Variants in TBC1D32 observed in about 807,000 individuals in gnomAD.
The protein encoded by TBC1D32 is TBC1 domain family member 32, also known as protein broad-minded.
In TBC1D32, 151 loss-of-function variants were observed where a neutral mutation model predicts 170.3. The observed-to-expected ratio is 0.89, with a 90% CI of 0.78 to 1.01. TBC1D32 has a LOEUF of 1.01. Among genes scored for constraint, TBC1D32 ranks in the 50% least tolerant of loss-of-function variants. The pLI, the probability that TBC1D32 is intolerant of heterozygous loss-of-function variation, is 0.00. For missense variants in TBC1D32, 1,464 were observed against 1,457.1 expected (o/e 1.00, Z -0.08); for synonymous variants, 498 against 488.0 (o/e 1.02, Z -0.27).
At chr6:121,127,879 A>G (rs992920369) in intron 25 of TBC1D32, among the ~76,000 whole-genome samples, 1 of 152,208 alleles carries the variant, frequency 6.6e-6, no homozygotes, top group Non-Finnish European at 1.5e-5. Flanking sequence ...CACGCTATGT[A>G]TTTAAGTAAA....
chr6:121,123,064 A>T (rs1277281126), intron 26 of TBC1D32, among the ~76,000 whole-genome samples: 1 of 152,088 alleles, frequency 6.6e-6, no homozygotes, highest in Non-Finnish European at 1.5e-5. Context: ...CCAGACTCCA[A>T]GTAGAGATAT....
intron 20 of TBC1D32, among the ~76,000 whole-genome samples, chr6:121,226,629 T>G (rs1267931425): frequency 6.6e-6 from 1 of 152,148 alleles, no homozygotes; most frequent in Non-Finnish European, 1.5e-5. Flanking sequence ...ATTAAAAACA[T>G]GTCCAATAGA....
intron 30 of TBC1D32, chr6:121,096,166 T>G (rs1777382444): frequency 6.6e-6 from 1 of 152,092 alleles, no homozygotes; most frequent in South Asian, 2.1e-4. Flanking sequence ...CTTGGGAGGG[T>G]GTATGTGTCC....
At chr6:121,288,626 A>G (rs1446978196) in intron 12 of TBC1D32, among the ~76,000 whole-genome samples, 1 of 152,202 alleles carries the variant, frequency 6.6e-6, no homozygotes, top group Non-Finnish European at 1.5e-5. Context: ...CAATAGAAAA[A>G]GAGGGAATCC....
chr6:121,093,988 AC>A lies in TBC1D32; in HGVS notation c.3466-2948del, dbSNP rs1777115341. Reference sequence around the variant, plus strand: ...AATTTATCCCAGTTTCACAAAGTTTACAATTAAAGGGGAGACATCCTTTTTA... The same window carrying A: ...AATTTATCCCAGTTTCACAAAGTTTAAATTAAAGGGGAGACATCCTTTTTA... On this transcript the variant is annotated intron_variant, in intron 30 of 31. Transcript: ENST00000398212. Among the ~76,000 whole-genome samples, 4 of 152,232 alleles carry A rather than the reference AC, an allele frequency of 2.6e-5. No individual in the cohort carries two copies. The South Asian group carries it at 8.3e-4, about 32-fold the overall frequency.
intron 24 of TBC1D32, among the ~76,000 whole-genome samples, chr6:121,137,932 A>C (rs1782319506): frequency 6.6e-6 from 1 of 152,120 alleles, no homozygotes; most frequent in African/African-American, 2.4e-5. Context: ...GAGAAAAAGT[A>C]AAATAAAGAC....
chr6:121,096,424 C>T (rs1478755642), intron 30 of TBC1D32, among the ~76,000 whole-genome samples: 3 of 152,028 alleles, frequency 2.0e-5, no homozygotes, highest in Non-Finnish European at 4.4e-5. Flanking sequence ...AGAGCCAAAT[C>T]ATGAGTGAAC....
chr6:121,284,206 G>T (rs768947817), intron 12 of TBC1D32, among the ~76,000 whole-genome samples: 3 of 152,010 alleles, frequency 2.0e-5, no homozygotes, highest in Non-Finnish European at 2.9e-5. Flanking sequence ...TCTGATTAAG[G>T]CTATTTGAGT....
chr6:121,230,079 A>C (rs1390803709), intron 20 of TBC1D32, among the ~76,000 whole-genome samples: 2 of 152,046 alleles, frequency 1.3e-5, no homozygotes, highest in Non-Finnish European at 2.9e-5. Flanking sequence ...TTTCTTTATA[A>C]ATTACCCAGT....
At chr6:121,149,106 GT>G (rs1333329082) in intron 24 of TBC1D32, among the ~76,000 whole-genome samples, 2 of 151,800 alleles carry the variant, frequency 1.3e-5, no homozygotes, top group East Asian at 1.9e-4. Flanking sequence ...GATGGGGTTG[GT>G]TTTTTTCTTG....
chr6:121,323,869 G>A lies in TBC1D32; in HGVS notation c.156-2075C>T, dbSNP rs113881132. ...GCAGGAGAATCACTTGAACCCGGGA[G>A]GCGGAGGTTGCAGTGAGCCAAGATT... is the stretch of plus-strand genomic sequence containing the variant. On this transcript the variant is annotated intron_variant, in intron 1 of 31. Transcript: ENST00000398212. Among the ~76,000 whole-genome samples, 3 of 152,290 alleles carry A rather than the reference G, an allele frequency of 2.0e-5. 1 individual carries two copies. The highest frequency in any genetic ancestry group is 7.2e-5 in the African/African-American group (3 of 41,564).
chr6:121,323,005 A>G (rs1209250190), intron 1 of TBC1D32, among the ~76,000 whole-genome samples: 6 of 136,138 alleles, frequency 4.4e-5, no homozygotes, highest in East Asian at 5.0e-4. Flanking sequence ...TGAAAAGAAG[A>G]AAAAAAAAGT....
intron 12 of TBC1D32, among the ~76,000 whole-genome samples, chr6:121,288,002 A>T (rs1472327756): frequency 6.6e-6 from 1 of 152,226 alleles, no homozygotes; most frequent in African/African-American, 2.4e-5. Context: ...CATTCAAAAC[A>T]GTGTGTAGAG....
chr6:121,220,725 C>G (rs1794414533), intron 21 of TBC1D32, among the ~76,000 whole-genome samples: 1 of 149,024 alleles, frequency 6.7e-6, no homozygotes, highest in Non-Finnish European at 1.5e-5. Context: ...ACTGCGACCT[C>G]TACCTCCCAG....
chr6:121,323,380 CTTATT>C (rs1810018480), intron 1 of TBC1D32, among the ~76,000 whole-genome samples: 1 of 152,144 alleles, frequency 6.6e-6, no homozygotes, highest in Non-Finnish European at 1.5e-5. Context: ...TCCAAAAGAA[CTTATT>C]TTATTATTTC....
intron 31 of TBC1D32, among the ~76,000 whole-genome samples, chr6:121,083,250 T>TAAC (rs3038149): frequency 0.26 from 39,255 of 151,810 alleles, 8,107 homozygotes; most frequent in African/African-American, 0.56. Context: ...CATAAGGTAA[T>TAAC]AACACTATTC....
chr6:121,154,855 G>A (rs1329640617), intron 24 of TBC1D32, among the ~76,000 whole-genome samples: 4 of 152,022 alleles, frequency 2.6e-5, no homozygotes, highest in Non-Finnish European at 5.9e-5. Flanking sequence ...TGTTTTATTG[G>A]TCTATGTGTC....
intron 21 of TBC1D32, among the ~76,000 whole-genome samples, chr6:121,218,787 C>A (rs1270983564): frequency 6.6e-6 from 1 of 151,972 alleles, no homozygotes; most frequent in Non-Finnish European, 1.5e-5. Context: ...GGCAGTTACC[C>A]CCATGCTGTT....
intron 12 of TBC1D32, among the ~76,000 whole-genome samples, chr6:121,291,056 G>A (rs113618929): frequency 0.051 from 7,696 of 151,988 alleles, 366 homozygotes; most frequent in African/African-American, 0.12. Flanking sequence ...GTTAAATGAC[G>A]AGTTAATGGG....
Sources: gnomAD v4.1 joint callset for allele counts (sites outside exome capture counted in the v4.1 genomes callset) on GRCh38, gnomAD v4.1.1 for gene constraint, MANE v1.5 for transcripts, NCBI Gene and HGNC (gene_info 2026-07-23, HGNC 2026-07-21) for gene names.